KHDRBS2: variants seen among roughly 807,000 people sequenced by gnomAD.
KHDRBS2 encodes the protein KH domain-containing, RNA-binding, signal transduction-associated protein 2.
Under a neutral mutation model 44.3 loss-of-function variants are expected in KHDRBS2, and 26 were observed. The ratio of observed to expected loss-of-function variants is 0.59; its 90% CI spans 0.43 to 0.81. The LOEUF is 0.81. KHDRBS2 is among the 40% of genes least tolerant of loss of function. The probability of loss-of-function intolerance (pLI) is 0.00; values close to 1 mark genes in which losing one functional copy is unlikely to be tolerated. For synonymous variants in KHDRBS2, 194 were observed against 151.1 expected (o/e 1.28, Z -2.08); for missense variants, 476 against 433.1 (o/e 1.10, Z -0.88).
the KHDRBS2 span, among the ~76,000 whole-genome samples, chr6:61,609,911 C>T: frequency 0.024 from 3,726 of 152,252 alleles, 71 homozygotes; most frequent in Middle Eastern, 0.085. Context: ...CGGTGGCTCA[C>T]GCCTAAAATC....
At chr6:62,059,117 T>C (rs1314671986) in intron 2 of KHDRBS2, among the ~76,000 whole-genome samples, 1 of 140,286 alleles carries the variant, frequency 7.1e-6, no homozygotes, top group African/African-American at 2.6e-5. Flanking sequence ...AAAAAACTAA[T>C]AGTGCCATAG....
At chr6:62,144,039 T>C (rs1813416260) in intron 2 of KHDRBS2, among the ~76,000 whole-genome samples, 1 of 151,984 alleles carries the variant, frequency 6.6e-6, no homozygotes, top group Non-Finnish European at 1.5e-5. Context: ...AACATAGCTC[T>C]GTAGCACACC....
At chr6:61,683,859 T>C (rs1766553375) in intron 8 of KHDRBS2, among the ~76,000 whole-genome samples, 1 of 151,922 alleles carries the variant, frequency 6.6e-6, no homozygotes, top group African/African-American at 2.4e-5. Context: ...TTCATGATAC[T>C]TGTACGTGGA....
intron 6 of KHDRBS2, among the ~76,000 whole-genome samples, chr6:61,819,600 C>A (rs1413423146): frequency 6.6e-6 from 1 of 151,976 alleles, no homozygotes; most frequent in African/African-American, 2.4e-5. Flanking sequence ...ATGAGGTCCA[C>A]AAACAATTTT....
chr6:61,580,668 C>A, the KHDRBS2 span, among the ~76,000 whole-genome samples: 1 of 151,996 alleles, frequency 6.6e-6, no homozygotes, highest in Non-Finnish European at 1.5e-5. Context: ...AGACCATGAA[C>A]CCACCAGAAG....
chr6:62,158,232 C>A (rs943468947), intron 2 of KHDRBS2, among the ~76,000 whole-genome samples: 2 of 152,128 alleles, frequency 1.3e-5, no homozygotes, highest in Non-Finnish European at 2.9e-5. Context: ...AGTAGGTGAT[C>A]CCTCCAAAAA....
chr6:61,577,008 G>A, the KHDRBS2 span, among the ~76,000 whole-genome samples: 2 of 152,044 alleles, frequency 1.3e-5, no homozygotes, highest in Non-Finnish European at 2.9e-5. Flanking sequence ...TCAGATGGGA[G>A]GATAAGTCCA....
intron 7 of KHDRBS2, 55 bp downstream of exon 7, chr6:61,732,627 C>A: frequency 9.8e-7 from 1 of 1,016,066 alleles, no homozygotes; most frequent in East Asian, 2.4e-5. Flanking sequence ...ATTCAAGAAA[C>A]AAAATTGATT....
intron 6 of KHDRBS2, among the ~76,000 whole-genome samples, chr6:61,873,842 T>C (rs1233422625): frequency 6.6e-6 from 1 of 151,982 alleles, no homozygotes; most frequent in Non-Finnish European, 1.5e-5. Flanking sequence ...AAGAGATACA[T>C]ATATGCAATA....
At chr6:61,955,538 A>G (rs1276514279) in intron 4 of KHDRBS2, among the ~76,000 whole-genome samples, 3 of 60,744 alleles carry the variant, frequency 4.9e-5, no homozygotes, top group African/African-American at 1.3e-4. Flanking sequence ...ACATGTGTAT[A>G]TATACACATA....
chr6:61,781,071 C>A (rs1782855488), intron 6 of KHDRBS2, among the ~76,000 whole-genome samples: 1 of 152,106 alleles, frequency 6.6e-6, no homozygotes, highest in African/African-American at 2.4e-5. Flanking sequence ...AACAGAACAT[C>A]CCAAACATAT....
At chr6:62,054,177 C>T (rs1238974015) in intron 2 of KHDRBS2, among the ~76,000 whole-genome samples, 3 of 151,970 alleles carry the variant, frequency 2.0e-5, no homozygotes, top group Admixed American at 2.0e-4. Context: ...TTAGTTGGTC[C>T]TAAAATTTGT....
intron 2 of KHDRBS2, among the ~76,000 whole-genome samples, chr6:62,169,184 T>A (rs552675682): frequency 6.8e-6 from 1 of 146,426 alleles, no homozygotes; most frequent in African/African-American, 2.5e-5. Flanking sequence ...TATATGTATA[T>A]ATACGTATAC....
intron 1 of KHDRBS2, among the ~76,000 whole-genome samples, chr6:62,263,075 T>C (rs1838631169): frequency 6.6e-6 from 1 of 151,712 alleles, no homozygotes; most frequent in South Asian, 2.1e-4. Flanking sequence ...CTGCCATATA[T>C]TGTGTCTTCC....
intron 4 of KHDRBS2, among the ~76,000 whole-genome samples, chr6:61,955,000 A>T (rs1334737413): frequency 1.4e-5 from 2 of 144,350 alleles, no homozygotes; most frequent in African/African-American, 5.0e-5. Flanking sequence ...ATATATAGAC[A>T]TACATATGTA....
chr6:61,913,336 T>C (rs963248725), intron 4 of KHDRBS2, among the ~76,000 whole-genome samples: 4 of 151,954 alleles, frequency 2.6e-5, no homozygotes, highest in Non-Finnish European at 5.9e-5. Flanking sequence ...TATATTGTTC[T>C]AAGATGTGGA....
chr6:62,186,161 G>A (rs990825406), intron 1 of KHDRBS2, among the ~76,000 whole-genome samples: 11 of 151,980 alleles, frequency 7.2e-5, no homozygotes, highest in African/African-American at 2.7e-4. Flanking sequence ...CCTTTTCTAT[G>A]TATTAGGCAA....
chr6:62,058,951 A>C (rs1790960028), intron 2 of KHDRBS2, among the ~76,000 whole-genome samples: 1 of 151,760 alleles, frequency 6.6e-6, no homozygotes, highest in Non-Finnish European at 1.5e-5. Flanking sequence ...ATATAAAATA[A>C]AATCAGTTCA....
chr6:62,045,148 G>A (rs1787395892), intron 3 of KHDRBS2, among the ~76,000 whole-genome samples: 1 of 152,040 alleles, frequency 6.6e-6, no homozygotes, highest in African/African-American at 2.4e-5. Flanking sequence ...CAGTCACAGA[G>A]ACTGAGGAGG....
Sources: gnomAD v4.1 joint callset for allele counts (sites outside exome capture counted in the v4.1 genomes callset) on GRCh38, gnomAD v4.1.1 for gene constraint, MANE v1.5 for transcripts, NCBI Gene and HGNC (gene_info 2026-07-23, HGNC 2026-07-21) for gene names.